Variants in CACNA1C observed in about 807,000 individuals in gnomAD.
The protein encoded by CACNA1C is calcium voltage-gated channel subunit alpha1 C, also known as voltage-dependent L-type calcium channel subunit alpha-1C.
In CACNA1C, 30 loss-of-function variants were observed where a neutral mutation model predicts 229.0. The observed-to-expected ratio is 0.13, with a 90% CI of 0.10 to 0.18. CACNA1C has a LOEUF of 0.18. Among genes scored for constraint, CACNA1C ranks in the 10% least tolerant of loss-of-function variants. The pLI is 1.00. For synonymous variants in CACNA1C, 1,114 were observed against 1,132.5 expected (o/e 0.98, Z 0.33); for missense variants, 1,658 against 2,845.0 (o/e 0.58, Z 9.49).
intron 22 of CACNA1C, chr12:2,603,227 TC>T (rs2073648943): frequency 6.6e-6 from 1 of 152,234 alleles, no homozygotes; most frequent in Non-Finnish European, 1.5e-5. Flanking sequence ...GTTTTTCCCA[TC>T]TGACCTTTAA....
At chr12:2,599,464 C>T (rs538589634) in intron 21 of CACNA1C, among the ~76,000 whole-genome samples, 1 of 152,306 alleles carries the variant, frequency 6.6e-6, no homozygotes, top group African/African-American at 2.4e-5. Context: ...AGGACCGTCA[C>T]ATAGAAGAGG....
chr12:2,670,639 T>A (rs2096515286), intron 38 of CACNA1C, among the ~76,000 whole-genome samples: 1 of 152,010 alleles, frequency 6.6e-6, no homozygotes, highest in East Asian at 1.9e-4. Context: ...GTCGGGCAGA[T>A]CCCGAGGTCA....
rs140303319 is a variant in CACNA1C at position 2,307,092 on chromosome 12, C to T, written c.478-141884C>T. ...TGCCAGCCAGTTCTTCACACCTCTT[C>T]TTGGGCCTGCTGTTGACTTCCCTCC... is the stretch of plus-strand genomic sequence containing the variant. On this transcript the variant is annotated intron_variant, in intron 3 of 46. Transcript: ENST00000399655. Among the ~76,000 whole-genome samples the T allele has an allele frequency of 1.9e-3, 287 of 152,348 alleles. 1 individual carries two copies. Among genetic ancestry groups the T allele is most frequent in the African/African-American group, 6.7e-3 (280 of 41,580 alleles).
At chr12:2,393,428 T>C (rs2098521524) in intron 3 of CACNA1C, among the ~76,000 whole-genome samples, 1 of 152,194 alleles carries the variant, frequency 6.6e-6, no homozygotes, top group Non-Finnish European at 1.5e-5. Context: ...GAGTACACGC[T>C]TCTGACTGTG....
At chr12:1,993,201 C>G in intron 1 of CACNA1C, 1 of 1,610,722 alleles carries the variant, frequency 6.2e-7, no homozygotes, top group Non-Finnish European at 8.5e-7. Context: ...AAACACTGTA[C>G]AATTTTAAAC....
chr12:2,036,086 G>C (rs1317568703), intron 1 of CACNA1C, among the ~76,000 whole-genome samples: 2 of 152,184 alleles, frequency 1.3e-5, no homozygotes, highest in African/African-American at 2.4e-5. Flanking sequence ...GGTTCCCAAG[G>C]ACTTCTCAAA....
In CACNA1C at chr12:2,002,411, GA is replaced by G. The variant is rs2042385690; in HGVS notation, c.139+31213del. Among the ~76,000 whole-genome samples, 6 of 152,174 alleles carry G rather than the reference GA, an allele frequency of 3.9e-5. No individual in the cohort carries two copies. The South Asian group carries it at 1.2e-3, about 32-fold the overall frequency. On this transcript the variant is annotated intron_variant, in intron 1 of 46. Coordinates refer to the CACNA1C transcript ENST00000682462. ...CCACAGCCTTGAAGATTAGAACTTTGAAAGAATGACCTTTTCCTGAATGAAT... is the reference window on the plus strand; with the variant it reads ...CCACAGCCTTGAAGATTAGAACTTTGAAGAATGACCTTTTCCTGAATGAAT...
intron 1 of CACNA1C, among the ~76,000 whole-genome samples, chr12:2,014,281 T>C (rs983363401): frequency 3.3e-5 from 5 of 152,228 alleles, no homozygotes; most frequent in African/African-American, 1.2e-4. Context: ...CATCTTTTTT[T>C]TTTTTAACCC....
intron 5 of CACNA1C, 23 bp downstream of exon 5, chr12:2,457,729 TAC>T (rs2099445176): frequency 6.4e-7 from 1 of 1,554,630 alleles, no homozygotes; most frequent in African/African-American, 1.4e-5. Context: ...CGTTCTTGTG[TAC>T]AGTGTTATCT....
rs185321453 is a variant in CACNA1C, at chr12:2,603,643, C to G, written c.2961-1438C>G. ...GACCTGTCTCCTGCTGTCTCCATTG[C>G]ACTAGGGAAAAGCCGTAGCCCGAGA... is the stretch of plus-strand genomic sequence containing the variant. On this transcript the variant is annotated intron_variant, in intron 22 of 46. Coordinates refer to ENST00000399655, the MANE Select transcript of CACNA1C (RefSeq NM_000719.7). 3.9e-5 allele frequency: 6 copies of G among 152,326 alleles called. 1 individual carries two copies. Among genetic ancestry groups the G allele is most frequent in the Admixed American group, 3.3e-4 (5 of 15,308 alleles). The allele number at this position is 152,326 out of a possible 1,614,324, so 9.4% of individuals were successfully genotyped here.
chr12:2,380,124 G>A (rs2154545051), intron 3 of CACNA1C, among the ~76,000 whole-genome samples: 1 of 152,082 alleles, frequency 6.6e-6, no homozygotes, highest in East Asian at 1.9e-4. Context: ...GTCAGCTTAA[G>A]CACGTGTTCA....
At chr12:2,048,759 G>C (rs10774018), upstream of CACNA1C, 52,419 of 152,166 alleles carry the variant, frequency 0.34, 10,767 homozygotes, top group East Asian at 0.67. Context: ...CTAGGCAGTG[G>C]GGGGAGGGCT....
chr12:2,638,417 T>A (rs903644625), intron 30 of CACNA1C, among the ~76,000 whole-genome samples: 5 of 149,678 alleles, frequency 3.3e-5, no homozygotes, highest in African/African-American at 1.2e-4. Flanking sequence ...AAAGGAGAGG[T>A]GAGGGTAGCA....
chr12:2,668,823 G>T (rs1179676123), intron 37 of CACNA1C, 110 bp from the exon 38 acceptor site: 6 of 721,142 alleles, frequency 8.3e-6, no homozygotes, highest in Admixed American at 8.0e-5. Context: ...AATTCAACAT[G>T]AGATTTGGGC....
At chr12:2,387,575 T>G (rs566488908) in intron 3 of CACNA1C, among the ~76,000 whole-genome samples, 1 of 152,126 alleles carries the variant, frequency 6.6e-6, no homozygotes, top group South Asian at 2.1e-4. Context: ...TGACTAATAA[T>G]GAACTAAGAG....
At chr12:2,249,467 G>A (rs2074694938) in intron 3 of CACNA1C, among the ~76,000 whole-genome samples, 1 of 152,184 alleles carries the variant, frequency 6.6e-6, no homozygotes, top group Non-Finnish European at 1.5e-5. Context: ...TTTACTACCT[G>A]ACCCTTTACA....
At chr12:2,664,071 C>T (rs375395163) in intron 34 of CACNA1C, among the ~76,000 whole-genome samples, 6 of 152,256 alleles carry the variant, frequency 3.9e-5, no homozygotes, top group East Asian at 3.9e-4. Context: ...ACCCTACAAA[C>T]GAACAAGAAG....
At chr12:2,271,845 G>A (rs1393378245) in intron 3 of CACNA1C, among the ~76,000 whole-genome samples, 1 of 152,128 alleles carries the variant, frequency 6.6e-6, no homozygotes, top group Non-Finnish European at 1.5e-5. Flanking sequence ...GCAGTGAGCT[G>A]TGATCACACC....
chr12:2,041,634 T>C (rs2050131932), intron 1 of CACNA1C, among the ~76,000 whole-genome samples: 1 of 152,204 alleles, frequency 6.6e-6, no homozygotes, highest in African/African-American at 2.4e-5. Context: ...CCTTGCTTGC[T>C]TTCTCCAAGA....
Sources: allele counts gnomAD v4.1 joint callset (sites outside exome capture counted in the v4.1 genomes callset), GRCh38; gene constraint gnomAD v4.1.1; transcripts MANE v1.5; gene names NCBI Gene and HGNC (gene_info 2026-07-23, HGNC 2026-07-21).